Variants in CCDC171 observed in about 807,000 individuals in gnomAD.
The protein encoded by CCDC171 is coiled-coil domain-containing protein 171.
A neutral mutation model predicts 168.2 loss-of-function variants in CCDC171; 177 were observed. The observed-to-expected ratio is 1.05, with a 90% confidence interval of 0.93 to 1.19. CCDC171 has a LOEUF of 1.19. Among genes scored for constraint, CCDC171 ranks in the 50% most tolerant of loss-of-function variants. The probability of loss-of-function intolerance (pLI) is 0.00; values close to 1 mark genes in which losing one functional copy is unlikely to be tolerated. For missense variants in CCDC171, 1,991 were observed against 1,539.0 expected, an observed-to-expected ratio of 1.29 and a Z score of -4.91; for synonymous variants, 687 against 540.8, an observed-to-expected ratio of 1.27 and a Z score of -3.75.
At chr9:16,096,736 C>T in the CCDC171 span, among the ~76,000 whole-genome samples, 1 of 152,208 alleles carries the variant, frequency 6.6e-6, no homozygotes, top group Non-Finnish European at 1.5e-5. Flanking sequence ...TCCCTTTCCT[C>T]ATCCACTTGG....
At chr9:15,611,584 A>G (rs538507926) in intron 6 of CCDC171, among the ~76,000 whole-genome samples, 1 of 152,248 alleles carries the variant, frequency 6.6e-6, no homozygotes, top group East Asian at 1.9e-4. Flanking sequence ...CACTATGCAG[A>G]TGTTGCTTAA....
chr9:15,894,817 C>T (rs1456183044), intron 24 of CCDC171, among the ~76,000 whole-genome samples: 2 of 152,138 alleles, frequency 1.3e-5, no homozygotes, highest in South Asian at 2.1e-4. Flanking sequence ...AACCTCCCTT[C>T]TCCCTGCATA....
chr9:15,705,484 G>A (rs920160589), intron 11 of CCDC171, among the ~76,000 whole-genome samples: 1 of 152,148 alleles, frequency 6.6e-6, no homozygotes, highest in African/African-American at 2.4e-5. Context: ...AATATGCCAA[G>A]CATGCTTTTG....
At chr9:15,908,642 G>A (rs1475413667) in intron 24 of CCDC171, among the ~76,000 whole-genome samples, 2 of 151,892 alleles carry the variant, frequency 1.3e-5, no homozygotes, top group African/African-American at 4.8e-5. Flanking sequence ...TACCCTAAAA[G>A]TTAAAGTATA....
chr9:16,057,189 G>T (rs996523629), intron 1 of CCDC171, among the ~76,000 whole-genome samples: 1 of 152,218 alleles, frequency 6.6e-6, no homozygotes, highest in East Asian at 1.9e-4. Context: ...GTTTTTTGAG[G>T]TGGGAGCAAA....
intron 7 of CCDC171, among the ~76,000 whole-genome samples, chr9:15,633,141 G>C (rs997424635): frequency 7.2e-5 from 11 of 152,262 alleles, no homozygotes; most frequent in South Asian, 2.1e-4. Context: ...AACACCAAAA[G>C]CAATGGCAAG....
intron 24 of CCDC171, among the ~76,000 whole-genome samples, chr9:15,897,196 A>G (rs1025212891): frequency 5.9e-5 from 9 of 152,034 alleles, no homozygotes; most frequent in Non-Finnish European, 1.3e-4. Context: ...TGATGCTAAC[A>G]GGTCCTTTTA....
chr9:15,899,822 T>G (rs1821388574), intron 24 of CCDC171, among the ~76,000 whole-genome samples: 1 of 152,178 alleles, frequency 6.6e-6, no homozygotes, highest in East Asian at 1.9e-4. Flanking sequence ...GACAGAATTT[T>G]TTTTCATGGC....
At chr9:15,822,790 A>G (rs1037781190) in intron 21 of CCDC171, among the ~76,000 whole-genome samples, 1 of 152,154 alleles carries the variant, frequency 6.6e-6, no homozygotes, top group East Asian at 1.9e-4. Context: ...TTCCTCAGGG[A>G]TCTAGAACTA....
chr9:15,790,123 G>A (rs2058178975), intron 21 of CCDC171, among the ~76,000 whole-genome samples: 1 of 152,170 alleles, frequency 6.6e-6, no homozygotes, highest in Non-Finnish European at 1.5e-5. Flanking sequence ...CCAGTAATGG[G>A]ACGGCTGGGT....
intron 21 of CCDC171, among the ~76,000 whole-genome samples, chr9:15,828,666 C>A (rs2153725): frequency 0.46 from 69,868 of 151,766 alleles, 16,377 homozygotes; most frequent in African/African-American, 0.53. Context: ...CAGAAGCCTG[C>A]ATATTATGTG....
At position 15,846,831 on chromosome 9, in the gene CCDC171, C is replaced by T. The variant is rs749115232; in HGVS notation, c.3397C>T (p.Leu1133Phe). The T allele has an allele frequency of 3.1e-6, 5 of 1,607,078 alleles. No individual in the cohort carries two copies. Among genetic ancestry groups the T allele is most frequent in the South Asian group, 2.2e-5 (2 of 89,966 alleles). Residue 1133 changes from leucine to phenylalanine, a missense_variant, in exon 22 of 26, where the codon CTC becomes TTC. By Grantham distance (22) the Leu-to-Phe change is conservative. Coordinates refer to ENST00000380701, the MANE Select transcript of CCDC171 (RefSeq NM_173550.4). The stretch of plus-strand genomic sequence containing the variant: ...GAACATCCATGATGCAGAGAGTGCC[C>T]TCCGCATGGCAGCCAAGTGAGCATT... The part of the protein sequence containing the change: ...EENIHDAESA[L>F]RMAAKDKECV...
chr9:15,796,877 T>C (rs1249847421), intron 21 of CCDC171, among the ~76,000 whole-genome samples: 1 of 152,120 alleles, frequency 6.6e-6, no homozygotes, highest in African/African-American at 2.4e-5. Flanking sequence ...CAAGCACCAG[T>C]GCTAAGGGAG....
chr9:16,102,997 A>G, the CCDC171 span, among the ~76,000 whole-genome samples: 3 of 152,226 alleles, frequency 2.0e-5, no homozygotes, highest in Non-Finnish European at 4.4e-5. Context: ...TTGAGCAGGC[A>G]GAAAACCTCA....
At chr9:15,593,485 T>C (rs930982908) in intron 5 of CCDC171, among the ~76,000 whole-genome samples, 4 of 152,136 alleles carry the variant, frequency 2.6e-5, no homozygotes, top group Admixed American at 2.6e-4. Flanking sequence ...GCTTTTCAAA[T>C]TTTTAACATT....
intron 21 of CCDC171, among the ~76,000 whole-genome samples, chr9:15,786,882 A>G (rs2057989567): frequency 1.3e-5 from 2 of 151,910 alleles, no homozygotes; most frequent in African/African-American, 4.8e-5. Context: ...ACAGATAACC[A>G]CCTTCAACTG....
chr9:15,837,598 G>T (rs1264967819), intron 21 of CCDC171, among the ~76,000 whole-genome samples: 2 of 152,154 alleles, frequency 1.3e-5, no homozygotes, highest in African/African-American at 4.8e-5. Context: ...CTGCCCAGAG[G>T]CTTGAGTCCA....
intron 7 of CCDC171, among the ~76,000 whole-genome samples, chr9:15,646,052 G>T (rs1178469999): frequency 6.6e-6 from 1 of 152,192 alleles, no homozygotes; most frequent in Non-Finnish European, 1.5e-5. Flanking sequence ...GGATCTCTCA[G>T]CAGAAACTCT....
At chr9:15,635,502 TC>T (rs1388377742) in intron 7 of CCDC171, among the ~76,000 whole-genome samples, 1 of 152,108 alleles carries the variant, frequency 6.6e-6, no homozygotes, top group African/African-American at 2.4e-5. Flanking sequence ...TCAGCAAGTC[TC>T]CCCATTCCAC....
Sources: gnomAD v4.1 joint callset for allele counts (sites outside exome capture counted in the v4.1 genomes callset) on GRCh38, gnomAD v4.1.1 for gene constraint, MANE v1.5 for transcripts, NCBI Gene and HGNC (gene_info 2026-07-23, HGNC 2026-07-21) for gene names.